ATP10A: variants seen among roughly 807,000 people sequenced by gnomAD.
The protein encoded by ATP10A is phospholipid-transporting ATPase VA.
In ATP10A, 111 loss-of-function variants were observed where a neutral mutation model predicts 147.8. The ratio of observed to expected loss-of-function variants is 0.75; its 90% CI spans 0.64 to 0.88. The LOEUF (loss-of-function observed/expected upper bound fraction) is 0.88, where lower values mean the gene tolerates loss of function less well. ATP10A is among the 40% of genes least tolerant of loss of function. The probability of loss-of-function intolerance (pLI) is 0.00; values close to 1 mark genes in which losing one functional copy is unlikely to be tolerated. For missense variants in ATP10A, 1,927 were observed against 1,959.0 expected, an observed-to-expected ratio of 0.98 and a Z score of 0.31; for synonymous variants, 875 against 841.6, an observed-to-expected ratio of 1.04 and a Z score of -0.69.
chr15:25,690,190 C>T (rs1899942499), intron 15 of ATP10A, among the ~76,000 whole-genome samples: 5 of 150,012 alleles, frequency 3.3e-5, no homozygotes, highest in African/African-American at 1.2e-4. Flanking sequence ...ACATGTATTT[C>T]ACATATTCAT....
At chr15:25,854,912 T>C (rs967063741) in intron 1 of ATP10A, among the ~76,000 whole-genome samples, 1 of 151,978 alleles carries the variant, frequency 6.6e-6, no homozygotes, top group Non-Finnish European at 1.5e-5. Context: ...ATACAAAAAT[T>C]AGCCAGGCAT....
intron 2 of ATP10A, among the ~76,000 whole-genome samples, chr15:25,779,975 A>G (rs1374223152): frequency 2.6e-5 from 4 of 152,084 alleles, no homozygotes; most frequent in African/African-American, 7.2e-5. Flanking sequence ...CGAGGTGCGG[A>G]GTACCTGGCC....
chr15:25,796,725 C>A (rs527840256), intron 1 of ATP10A, among the ~76,000 whole-genome samples: 1 of 152,186 alleles, frequency 6.6e-6, no homozygotes, highest in Non-Finnish European at 1.5e-5. Context: ...TGGAACCTGC[C>A]GGATATCCCT....
At chr15:25,691,920 GA>G (rs1900060095) in intron 14 of ATP10A, 129 bp from the exon 15 acceptor site, 28 of 1,007,494 alleles carry the variant, frequency 2.8e-5, no homozygotes, top group African/African-American at 9.6e-5. Flanking sequence ...GAAGATGGGG[GA>G]AAAAGGAGTA....
At chr15:25,773,849 CACAT>C (rs757468660) in intron 2 of ATP10A, among the ~76,000 whole-genome samples, 20 of 133,662 alleles carry the variant, frequency 1.5e-4, no homozygotes, top group African/African-American at 5.3e-4. Flanking sequence ...CACACACACA[CACAT>C]ATTCACTCAC....
chr15:25,833,543 A>T (rs1158561796), intron 1 of ATP10A, among the ~76,000 whole-genome samples: 1 of 152,134 alleles, frequency 6.6e-6, no homozygotes, highest in Non-Finnish European at 1.5e-5. Flanking sequence ...GGAGTGAAAA[A>T]TTATTACAAA....
intron 3 of ATP10A, among the ~76,000 whole-genome samples, chr15:25,733,295 C>G (rs1887052949): frequency 6.6e-6 from 1 of 152,180 alleles, no homozygotes; most frequent in African/African-American, 2.4e-5. Context: ...CCCAACTTAG[C>G]TCCCTGCCCT....
chr15:25,813,497 A>G (rs1362390760), intron 1 of ATP10A, among the ~76,000 whole-genome samples: 3 of 152,186 alleles, frequency 2.0e-5, no homozygotes, highest in Non-Finnish European at 4.4e-5. Context: ...ATTTCCAGTG[A>G]AAAAAAGCAG....
chr15:25,722,399 G>A (rs1448638145), intron 6 of ATP10A, among the ~76,000 whole-genome samples: 1 of 152,214 alleles, frequency 6.6e-6, no homozygotes, highest in Non-Finnish European at 1.5e-5. Flanking sequence ...TCAGATGCTG[G>A]CCTTGTGATT....
chr15:25,683,375 G>A lies in ATP10A; in HGVS notation c.3403C>T (p.Pro1135Ser). 6.2e-7 allele frequency: 1 copy of A among 1,614,154 alleles called. No individual in the cohort carries two copies. The highest frequency in any genetic ancestry group is 8.5e-7 in the Non-Finnish European group (1 of 1,180,024). Reference protein sequence around the residue: ...FFNLLFSSLPPLVTGVLDRDV... With the variant: ...FFNLLFSSLPSLVTGVLDRDV... ...CTGTCCAGCACCCCAGTCACGAGCG[G>A]GGGAAGTGACGAGAAGAGCAGATTA... Residue 1135 changes from proline (P) to serine (S), a missense_variant, in exon 17 of 21, where the codon CCG (proline) becomes TCG (serine). Coordinates refer to ENST00000555815, the MANE Select transcript of ATP10A (RefSeq NM_024490.4).
chr15:25,682,531 C>A (rs540243868), intron 17 of ATP10A, among the ~76,000 whole-genome samples: 2 of 152,264 alleles, frequency 1.3e-5, no homozygotes, highest in East Asian at 3.9e-4. Flanking sequence ...ACACTCCCAG[C>A]GTCTTTGTCC....
chr15:25,754,776 CT>C (rs1309091754), intron 2 of ATP10A, among the ~76,000 whole-genome samples: 2 of 152,096 alleles, frequency 1.3e-5, no homozygotes, highest in African/African-American at 4.8e-5. Flanking sequence ...GTGGAAAAAT[CT>C]TACTAAAGAT....
chr15:25,734,953 C>A (rs1018200108), intron 3 of ATP10A, among the ~76,000 whole-genome samples: 17 of 149,794 alleles, frequency 1.1e-4, no homozygotes, highest in Non-Finnish European at 1.8e-4. Flanking sequence ...AATGGGGCCA[C>A]TTCCAGAAGC....
At chr15:25,763,035 T>C (rs1198802526) in intron 2 of ATP10A, among the ~76,000 whole-genome samples, 1 of 152,172 alleles carries the variant, frequency 6.6e-6, no homozygotes, top group African/African-American at 2.4e-5. Context: ...TGAAAGACTC[T>C]TACTGAGCAG....
At position 25,733,512 on chromosome 15, in the gene ATP10A, G is replaced by A. The variant is rs776878539; in HGVS notation, c.740+2544C>T. On this transcript the variant is annotated intron_variant, in intron 3 of 20. Transcript: ENST00000555815. ...CGGGGCAGGGCTGCTCCCCTTGGTC[G>A]TGCCCCACAGTCACGGGGGCAAGTA... Among the ~76,000 whole-genome samples the A allele has an allele frequency of 6.6e-5, 10 of 152,274 alleles. 1 individual carries two copies. The highest frequency in any genetic ancestry group is 6.2e-4 in the South Asian group (3 of 4,824).
At chr15:25,721,630 T>C (rs1902235281) in intron 7 of ATP10A, 27 bp downstream of exon 7, 1 of 1,598,638 alleles carries the variant, frequency 6.3e-7, no homozygotes, top group Non-Finnish European at 8.5e-7. Flanking sequence ...TCAGCCTGGG[T>C]TGGGAGCCCC....
At chr15:25,863,516 C>G (rs1462165453), upstream of ATP10A, 1 of 152,258 alleles carries the variant, frequency 6.6e-6, no homozygotes, top group Non-Finnish European at 1.5e-5. Context: ...AGCATCAGTT[C>G]GGTCCCAAAA....
intron 3 of ATP10A, among the ~76,000 whole-genome samples, chr15:25,735,441 C>T (rs1463570418): frequency 6.6e-6 from 1 of 152,200 alleles, no homozygotes; most frequent in African/African-American, 2.4e-5. Context: ...AGTGCCAACA[C>T]AGGGCCAGGC....
chr15:25,833,963 CTG>C (rs1489047331), intron 1 of ATP10A, among the ~76,000 whole-genome samples: 2 of 151,538 alleles, frequency 1.3e-5, no homozygotes, highest in African/African-American at 4.9e-5. Flanking sequence ...CAGAGGGAGA[CTG>C]TGTCTCAAAA....
Sources: gnomAD v4.1 joint callset for allele counts (sites outside exome capture counted in the v4.1 genomes callset) on GRCh38, gnomAD v4.1.1 for gene constraint, MANE v1.5 for transcripts, NCBI Gene and HGNC (gene_info 2026-07-23, HGNC 2026-07-21) for gene names.